CRIM1: variants seen among roughly 807,000 people sequenced by gnomAD.
The protein encoded by CRIM1 is cysteine rich transmembrane BMP regulator 1, also known as cysteine-rich motor neuron 1 protein.
Under a neutral mutation model 116.4 loss-of-function variants are expected in CRIM1, and 32 were observed. The observed-to-expected ratio is 0.27, with a 90% CI of 0.21 to 0.37. The LOEUF is 0.37. Ranked by LOEUF, CRIM1 falls within the 10% of genes least tolerant of loss-of-function variation. The pLI is 1.00. For missense variants in CRIM1, 1,331 were observed against 1,354.8 expected (o/e 0.98, Z 0.28); for synonymous variants, 590 against 509.2 (o/e 1.16, Z -2.13).
At chr2:36,410,221 C>T (rs1673102735) in intron 2 of CRIM1, among the ~76,000 whole-genome samples, 1 of 152,128 alleles carries the variant, frequency 6.6e-6, no homozygotes, top group Non-Finnish European at 1.5e-5. Flanking sequence ...TGGTTGACAA[C>T]TTCCTAGTTT....
At chr2:36,540,998 C>G (rs1336661285) in intron 14 of CRIM1, among the ~76,000 whole-genome samples, 1 of 152,190 alleles carries the variant, frequency 6.6e-6, no homozygotes, top group African/African-American at 2.4e-5. Flanking sequence ...GTTAACTCTC[C>G]TTTCTGCATC....
chr2:36,445,273 C>A (rs1243462045), intron 4 of CRIM1, among the ~76,000 whole-genome samples: 2 of 152,230 alleles, frequency 1.3e-5, no homozygotes, highest in Non-Finnish European at 2.9e-5. Context: ...CCAGTCCCCA[C>A]TTTATGGTGC....
intron 7 of CRIM1, among the ~76,000 whole-genome samples, chr2:36,487,559 TAA>T (rs34362565): frequency 2.1e-5 from 3 of 145,616 alleles, no homozygotes; most frequent in Non-Finnish European, 1.5e-5. Context: ...AAGTCTGGTT[TAA>T]AAAAAAAAAA....
chr2:36,495,807 T>C (rs570155482), intron 7 of CRIM1, among the ~76,000 whole-genome samples: 1 of 152,264 alleles, frequency 6.6e-6, no homozygotes, highest in South Asian at 2.1e-4. Context: ...AATAATATGT[T>C]GGACTGGAAG....
chr2:36,479,738 G>T lies in CRIM1; in HGVS notation c.1372+44G>T, dbSNP rs1422859786. On this transcript the variant is annotated intron_variant, in intron 7 of 16. Coordinates refer to ENST00000280527, the MANE Select transcript of CRIM1 (RefSeq NM_016441.3). ...AATGAGTCCCTGGTGAATGTCTTCT[G>T]TTGGAGAAGCTTCTACCAGCGTACG... 5 of 1,568,744 alleles carry T rather than the reference G, an allele frequency of 3.2e-6. No individual in the cohort carries two copies. The Admixed American group carries it at 6.7e-5, about 21-fold the overall frequency.
At chr2:36,416,335 T>G (rs1673618895) in intron 2 of CRIM1, among the ~76,000 whole-genome samples, 1 of 152,124 alleles carries the variant, frequency 6.6e-6, no homozygotes, top group South Asian at 2.1e-4. Context: ...AAAGATAACT[T>G]TCATGATATG....
intron 2 of CRIM1, among the ~76,000 whole-genome samples, chr2:36,425,062 G>A (rs527988834): frequency 2.5e-4 from 38 of 152,250 alleles, no homozygotes; most frequent in African/African-American, 7.2e-4. Context: ...AGTCAGGCCC[G>A]GGACTGAGTC....
rs1159462551 is a variant in CRIM1, at chr2:36,550,859, T to C, written c.*2158T>C. ...TGTTTTTTCAATCATGGCCATATTA[T>C]GAAAATACTAACAGGATATAGGACA... On this transcript the variant is annotated 3_prime_UTR_variant, in exon 17 of 17. Coordinates refer to ENST00000280527, the MANE Select transcript of CRIM1 (RefSeq NM_016441.3). 3.3e-5 allele frequency: 5 copies of C among 152,594 alleles called. No homozygotes were observed. In the East Asian group the frequency reaches 5.8e-4, roughly 18 times the overall value. 9.5% of individuals were successfully genotyped at this position (152,594 alleles called of 1,614,324 possible).
At chr2:36,456,960 G>A (rs1677184192) in intron 4 of CRIM1, among the ~76,000 whole-genome samples, 1 of 151,956 alleles carries the variant, frequency 6.6e-6, no homozygotes, top group African/African-American at 2.4e-5. Context: ...TAGGAACCAC[G>A]TAGACTTACA....
intron 4 of CRIM1, among the ~76,000 whole-genome samples, chr2:36,449,357 CT>C (rs906309097): frequency 2.0e-5 from 3 of 152,216 alleles, no homozygotes; most frequent in African/African-American, 7.2e-5. Context: ...CCTGGGCTCA[CT>C]CACCACCAGG....
chr2:36,424,707 G>T (rs1216519604), intron 2 of CRIM1, among the ~76,000 whole-genome samples: 5 of 152,132 alleles, frequency 3.3e-5, no homozygotes, highest in Non-Finnish European at 7.4e-5. Context: ...CCTCCGTGAA[G>T]TTTTTTCAGC....
chr2:36,536,446 G>T (rs1024328476), intron 13 of CRIM1, among the ~76,000 whole-genome samples: 1 of 152,154 alleles, frequency 6.6e-6, no homozygotes, highest in Non-Finnish European at 1.5e-5. Context: ...GGATTAGTAG[G>T]TGTCATCCAG....
At chr2:36,403,348 CTATA>C (rs769390512) in intron 2 of CRIM1, among the ~76,000 whole-genome samples, 4 of 152,160 alleles carry the variant, frequency 2.6e-5, no homozygotes, top group Non-Finnish European at 4.4e-5. Flanking sequence ...ATTATTTCCT[CTATA>C]TAGAGAAAAA....
chr2:36,538,394 C>CT (rs1489902541), intron 14 of CRIM1, among the ~76,000 whole-genome samples: 13 of 151,250 alleles, frequency 8.6e-5, no homozygotes, highest in African/African-American at 3.2e-4. Context: ...AAGGCTCACT[C>CT]TAAGATCTCA....
In CRIM1 at chr2:36,428,840, C is replaced by G. The variant is rs978531118; in HGVS notation, c.506-12418C>G. On this transcript the variant is annotated intron_variant, in intron 2 of 16. Coordinates refer to ENST00000280527, the MANE Select transcript of CRIM1 (RefSeq NM_016441.3). ...TTGTTGCAGAAGTTTCTAATTGTCC[C>G]CATATACATGTGTTCATTCTCCTCT... Among the ~76,000 whole-genome samples the G allele has an allele frequency of 3.9e-5, 6 of 152,114 alleles. 1 individual carries two copies. Among genetic ancestry groups the G allele is most frequent in the South Asian group, 4.1e-4 (2 of 4,826 alleles).
At chr2:36,383,961 G>A (rs900150776) in intron 1 of CRIM1, among the ~76,000 whole-genome samples, 4 of 152,174 alleles carry the variant, frequency 2.6e-5, no homozygotes, top group African/African-American at 4.8e-5. Context: ...AGCAGTGAAC[G>A]AGACAAAAAT....
chr2:36,356,436 C>A lies in CRIM1; in HGVS notation c.144C>A (p.Pro48=), dbSNP rs1344721480. 3 of 1,611,666 alleles carry A rather than the reference C, an allele frequency of 1.9e-6. No individual in the cohort carries two copies. Among genetic ancestry groups the A allele is most frequent in the Non-Finnish European group, 2.5e-6 (3 of 1,179,696 alleles). ...GTGACGAGTCCAAGTGCGAGGAGCCCAGGAACTGCCCGGGGAGCATCGTGC... is the reference window on the plus strand; with the variant it reads ...GTGACGAGTCCAAGTGCGAGGAGCCAAGGAACTGCCCGGGGAGCATCGTGC... ...LPCDESKCEE[P]RNCPGSIVQG... The change falls in exon 1 of 17, where the codon CCC becomes CCA. Residue 48 remains proline (P), a synonymous_variant. Coordinates refer to ENST00000280527, the MANE Select transcript of CRIM1 (RefSeq NM_016441.3). The surrounding 1 kb of genome is among the most constrained non-coding windows in gnomAD (Gnocchi z 4.3).
At chr2:36,537,043 C>G (rs1666600638) in intron 13 of CRIM1, among the ~76,000 whole-genome samples, 1 of 152,104 alleles carries the variant, frequency 6.6e-6, no homozygotes. Context: ...TGTAAATAAA[C>G]TCAGCTGGAC....
At chr2:36,517,204 G>A in intron 11 of CRIM1, 123 bp from the exon 12 acceptor site, 1 of 717,322 alleles carries the variant, frequency 1.4e-6, no homozygotes, top group Non-Finnish European at 2.4e-6. Flanking sequence ...CTCTTAATAA[G>A]AATAGAGCGA....
Sources: gnomAD v4.1 joint callset for allele counts (sites outside exome capture counted in the v4.1 genomes callset) on GRCh38, gnomAD v4.1.1 for gene constraint, Gnocchi (gnomAD v3.1) non-coding constraint, MANE v1.5 for transcripts, NCBI Gene and HGNC (gene_info 2026-07-23, HGNC 2026-07-21) for gene names.